Variants in MTUS1 observed in about 807,000 individuals in gnomAD.
MTUS1 encodes the protein microtubule associated scaffold protein 1.
A neutral mutation model predicts 120.8 loss-of-function variants in MTUS1; 109 were observed. The observed-to-expected ratio is 0.90, with a 90% CI of 0.77 to 1.06. The LOEUF (loss-of-function observed/expected upper bound fraction) is 1.06, where lower values mean the gene tolerates loss of function less well. Among genes scored for constraint, MTUS1 ranks in the 50% least tolerant of loss-of-function variants. MTUS1 has a pLI of 0.00. For synonymous variants in MTUS1, 737 were observed against 550.5 expected, an observed-to-expected ratio of 1.34 and a Z score of -4.74; for missense variants, 2,210 against 1,486.3, an observed-to-expected ratio of 1.49 and a Z score of -8.01.
chr8:17,774,807 T>A (rs412831), intron 1 of MTUS1, among the ~76,000 whole-genome samples: 27,823 of 151,494 alleles, frequency 0.18, 3,161 homozygotes, highest in South Asian at 0.48. Context: ...GTATTTACAA[T>A]AACCAAAAAG....
rs764842482 is a variant in MTUS1, at chr8:17,709,297, C to T, written c.2623+3917G>A. 2.0e-5 allele frequency among the ~76,000 whole-genome samples: 3 copies of T among 152,102 alleles called. No individual in the cohort carries two copies. The South Asian group carries it at 6.2e-4, about 32-fold the overall frequency. ...CACCCTGTTTTCTTTACACAACAGGCTCAGAAATTTATACCTCTTGCCCAG... is the reference window on the plus strand; with the variant it reads ...CACCCTGTTTTCTTTACACAACAGGTTCAGAAATTTATACCTCTTGCCCAG... On this transcript the variant is annotated intron_variant, in intron 6 of 14. Coordinates refer to ENST00000693296, the MANE Select transcript of MTUS1 (RefSeq NM_001363059.2).
intron 8 of MTUS1, among the ~76,000 whole-genome samples, chr8:17,665,701 C>T (rs114246613): frequency 7.8e-4 from 119 of 152,268 alleles, no homozygotes; most frequent in African/African-American, 2.7e-3. Context: ...CACAGAACAC[C>T]CAGCGGGATC....
chr8:17,731,246 T>G (rs183388110), intron 3 of MTUS1, among the ~76,000 whole-genome samples: 28 of 152,300 alleles, frequency 1.8e-4, no homozygotes, highest in East Asian at 1.2e-3. Flanking sequence ...TAGTTAATAG[T>G]TGACAATCTC....
rs1464173642 is a variant in MTUS1 at position 17,769,913 on chromosome 8, CACACACACACACA to C, written c.-154-13965_-154-13953del. Among the ~76,000 whole-genome samples, 759 of 133,808 alleles carry C rather than the reference CACACACACACACA, an allele frequency of 5.7e-3. 10 individuals carry two copies. The highest frequency in any genetic ancestry group is 0.022 in the African/African-American group (706 of 32,412). 87.8% of individuals were successfully genotyped at this position (133,808 alleles called of 152,430 possible). On this transcript the variant is annotated intron_variant, in intron 1 of 14. Transcript: ENST00000693296. ...ACACACACACACACACACACACACACACACACACACACACGGGGGGGGTTGGGGGGGAAGCACT... is the reference window on the plus strand; with the variant it reads ...ACACACACACACACACACACACACACCGGGGGGGGTTGGGGGGGAAGCACT...
chr8:17,787,629 C>T (rs77982533), intron 1 of MTUS1, among the ~76,000 whole-genome samples: 4 of 152,274 alleles, frequency 2.6e-5, no homozygotes, highest in African/African-American at 9.6e-5. Context: ...AAATATTCTT[C>T]GCCTCATTTT....
At chr8:17,731,057 G>C (rs1291820292) in intron 3 of MTUS1, among the ~76,000 whole-genome samples, 1 of 152,088 alleles carries the variant, frequency 6.6e-6, no homozygotes, top group Non-Finnish European at 1.5e-5. Flanking sequence ...AATAATAAAA[G>C]TCCTACTGGA....
At chr8:17,771,328 T>C (rs1484673287) in intron 1 of MTUS1, among the ~76,000 whole-genome samples, 1 of 152,226 alleles carries the variant, frequency 6.6e-6, no homozygotes, top group Non-Finnish European at 1.5e-5. Flanking sequence ...TACATTTATA[T>C]AATTATTTAA....
intron 6 of MTUS1, among the ~76,000 whole-genome samples, chr8:17,686,960 G>C (rs892400384): frequency 6.6e-6 from 1 of 152,082 alleles, no homozygotes; most frequent in Non-Finnish European, 1.5e-5. Flanking sequence ...GAAATTCGAG[G>C]ACATACATTT....
At chr8:17,658,603 A>T (rs757660664) in intron 8 of MTUS1, among the ~76,000 whole-genome samples, 1 of 152,236 alleles carries the variant, frequency 6.6e-6, no homozygotes, top group Non-Finnish European at 1.5e-5. Flanking sequence ...TTAATACGAC[A>T]GGGTTGCTGG....
At chr8:17,730,607 C>G (rs551252453) in intron 3 of MTUS1, among the ~76,000 whole-genome samples, 4 of 151,572 alleles carry the variant, frequency 2.6e-5, no homozygotes, top group Non-Finnish European at 5.9e-5. Flanking sequence ...GGCAGATGAA[C>G]GAATAAACAA....
chr8:17,654,888 A>C, intron 9 of MTUS1: 2 of 560,084 alleles, frequency 3.6e-6, no homozygotes, highest in Non-Finnish European at 6.4e-6. Flanking sequence ...CAGCAGTTCA[A>C]GTCCAGCCTG....
intron 6 of MTUS1, among the ~76,000 whole-genome samples, chr8:17,703,719 A>G (rs1451419208): frequency 6.6e-6 from 1 of 151,876 alleles, no homozygotes; most frequent in African/African-American, 2.4e-5. Context: ...GGAAACACCA[A>G]CCCTGGTAAA....
At chr8:17,679,572 G>C (rs11203897) in intron 7 of MTUS1, among the ~76,000 whole-genome samples, 86,053 of 151,134 alleles carry the variant, frequency 0.57, 25,336 homozygotes, top group Middle Eastern at 0.7. Flanking sequence ...TGCGATCTTG[G>C]CTCACTGCAA....
chr8:17,756,671 A>ACCCCCCCCCCC (rs1177055386), intron 1 of MTUS1, among the ~76,000 whole-genome samples: 40 of 117,478 alleles, frequency 3.4e-4, no homozygotes, highest in South Asian at 7.8e-4. Flanking sequence ...TCAAGCCCAA[A>ACCCCCCCCCCC]CCCCCACCCC....
At chr8:17,685,196 G>C (rs190124540) in intron 6 of MTUS1, among the ~76,000 whole-genome samples, 1 of 151,892 alleles carries the variant, frequency 6.6e-6, no homozygotes, top group African/African-American at 2.4e-5. Context: ...TTTTTCCCAA[G>C]TAGTAATAAC....
chr8:17,721,584 C>T (rs1433734460), intron 4 of MTUS1: 3 of 1,134,878 alleles, frequency 2.6e-6, no homozygotes, highest in Admixed American at 3.1e-5. Flanking sequence ...ATACAAAATG[C>T]CCCCAAATAC....
intron 1 of MTUS1, among the ~76,000 whole-genome samples, chr8:17,767,123 T>C (rs145255860): frequency 4.7e-5 from 7 of 148,666 alleles, no homozygotes; most frequent in African/African-American, 1.7e-4. Context: ...AACTCTATGC[T>C]GAATACATTC....
At chr8:17,778,739 G>C (rs995851951) in intron 1 of MTUS1, among the ~76,000 whole-genome samples, 2 of 152,124 alleles carry the variant, frequency 1.3e-5, no homozygotes, top group Admixed American at 6.5e-5. Flanking sequence ...GGCCCTGGAG[G>C]GGGAGGTTGC....
At position 17,760,461 on chromosome 8, in the gene MTUS1, G is replaced by A. The variant is rs566910145; in HGVS notation, c.-154-4500C>T. Among the ~76,000 whole-genome samples, 3 of 152,128 alleles carry A rather than the reference G, an allele frequency of 2.0e-5. No individual in the cohort carries two copies. In the South Asian group the frequency reaches 6.2e-4, roughly 32 times the overall value. On this transcript the variant is annotated intron_variant, in intron 1 of 14. Coordinates refer to ENST00000693296, the MANE Select transcript of MTUS1 (RefSeq NM_001363059.2). ...AGATCAACCTCACCATTCATGAAAA[G>A]AAAACAATGGCTTTAAGTCACCACC...
Sources: gnomAD v4.1 joint callset for allele counts (sites outside exome capture counted in the v4.1 genomes callset) on GRCh38, gnomAD v4.1.1 for gene constraint, MANE v1.5 for transcripts, NCBI Gene and HGNC (gene_info 2026-07-23, HGNC 2026-07-21) for gene names.